Variants in MRRF observed in about 807,000 individuals in gnomAD.
The protein encoded by MRRF is mitochondrial ribosome recycling factor, also known as ribosome-recycling factor, mitochondrial.
In MRRF, 18 loss-of-function variants were observed where a neutral mutation model predicts 25.1. That is an observed-to-expected ratio of 0.72 (90% CI 0.50 to 1.06). MRRF has a LOEUF of 1.06. Ranked by LOEUF, MRRF falls within the 50% of genes least tolerant of loss-of-function variation. The pLI, the probability that MRRF is intolerant of heterozygous loss-of-function variation, is 0.00. For missense variants in MRRF, 323 were observed against 319.3 expected, an observed-to-expected ratio of 1.01 and a Z score of -0.09; for synonymous variants, 113 against 112.1, an observed-to-expected ratio of 1.01 and a Z score of -0.05.
At chr9:122,295,258 C>T (rs113904286) in intron 5 of MRRF, among the ~76,000 whole-genome samples, 33 of 152,266 alleles carry the variant, frequency 2.2e-4, no homozygotes, top group Admixed American at 7.8e-4. Flanking sequence ...CCATCATCCC[C>T]TTTCACAAAT....
At position 122,329,230 on chromosome 9, in the gene MRRF, G is replaced by A. The variant is rs1836220646; in HGVS notation, c.*6613G>A. ...GTGCTTAAGCGAAACGGAATTATTA[G>A]CTTTTCTGAAAGCTAATAATTTTGT... On this transcript the variant is annotated 3_prime_UTR_variant, in exon 7 of 7. Transcript: ENST00000344641. 2.0e-5 allele frequency: 3 copies of A among 152,088 alleles called. No homozygotes were observed. The highest frequency in any genetic ancestry group is 2.9e-5 in the Non-Finnish European group (2 of 68,032). The allele number at this position is 152,088 out of a possible 1,614,324, so 9.4% of individuals were successfully genotyped here.
intron 6 of MRRF, among the ~76,000 whole-genome samples, 173 bp downstream of exon 6, chr9:122,313,559 T>C (rs961002609): frequency 5.3e-5 from 8 of 152,176 alleles, no homozygotes; most frequent in Non-Finnish European, 1.2e-4. Context: ...GAGGGATCCA[T>C]AGAGGAGGAT....
chr9:122,311,104 G>T (rs10985593), intron 5 of MRRF, among the ~76,000 whole-genome samples: 1 of 152,156 alleles, frequency 6.6e-6, no homozygotes, highest in Non-Finnish European at 1.5e-5. Context: ...TCATTTTAGA[G>T]ATAAGGAAAC....
chr9:122,272,976 G>A lies in MRRF; in HGVS notation c.184+1901G>A, dbSNP rs368620732. Among the ~76,000 whole-genome samples the A allele has an allele frequency of 1.9e-3, 287 of 152,240 alleles. 4 individuals are homozygous for A. The highest frequency in any genetic ancestry group is 6.4e-3 in the African/African-American group (264 of 41,542). Reference sequence around the variant, plus strand: ...TATATGGCATTGTGTCTGAGCTGTTGATTTTATTGAACTGCTTATCTCTCC... The same window carrying A: ...TATATGGCATTGTGTCTGAGCTGTTAATTTTATTGAACTGCTTATCTCTCC... On this transcript the variant is annotated intron_variant, in intron 2 of 6. Transcript: ENST00000344641.
chr9:122,322,503 C>A, intron 6 of MRRF, 37 bp from the exon 7 acceptor site: 1 of 1,587,938 alleles, frequency 6.3e-7, no homozygotes, highest in African/African-American at 1.3e-5. Flanking sequence ...CTTTTCCAGC[C>A]CCATTAATCA....
Position 122,303,430 on chromosome 9 carries a change from CTCGAG to C in MRRF, c.552-9795_552-9791del, listed in dbSNP as rs200053975. 6.4e-3 allele frequency among the ~76,000 whole-genome samples: 979 copies of C among 152,140 alleles called. 8 individuals carry two copies. Among genetic ancestry groups the C allele is most frequent in the African/African-American group, 0.023 (954 of 41,498 alleles). Reference sequence around the variant, plus strand: ...ACAGGCTTTTACTTTGTCACTCAGGCTCGAGTACAGTGGCACAATCACAATTAGTG... The same window carrying C: ...ACAGGCTTTTACTTTGTCACTCAGGCTACAGTGGCACAATCACAATTAGTG... On this transcript the variant is annotated intron_variant, in intron 5 of 6. Coordinates refer to ENST00000344641, the MANE Select transcript of MRRF (RefSeq NM_138777.5).
chr9:122,276,444 A>G (rs1832781449), intron 2 of MRRF, among the ~76,000 whole-genome samples: 1 of 152,194 alleles, frequency 6.6e-6, no homozygotes, highest in Non-Finnish European at 1.5e-5. Flanking sequence ...GTGTTGAGCC[A>G]TCGTGTCTGA....
chr9:122,266,942 C>T (rs1047782741), intron 1 of MRRF, among the ~76,000 whole-genome samples: 2 of 151,558 alleles, frequency 1.3e-5, no homozygotes, highest in African/African-American at 2.4e-5. Flanking sequence ...TGGTGGCGCA[C>T]GCCTGTAATC....
At chr9:122,272,334 G>T (rs997722870) in intron 2 of MRRF, among the ~76,000 whole-genome samples, 1 of 152,090 alleles carries the variant, frequency 6.6e-6, no homozygotes, top group African/African-American at 2.4e-5. Flanking sequence ...TTCATATTTT[G>T]TGGGCTATTC....
chr9:122,293,393 C>A (rs2118819246), intron 5 of MRRF, among the ~76,000 whole-genome samples: 1 of 152,268 alleles, frequency 6.6e-6, no homozygotes, highest in African/African-American at 2.4e-5. Context: ...GAAGCTGGGA[C>A]CCAAACCCAG....
intron 5 of MRRF, among the ~76,000 whole-genome samples, chr9:122,303,286 T>C (rs998974895): frequency 1.3e-5 from 2 of 148,354 alleles, no homozygotes; most frequent in African/African-American, 4.9e-5. Context: ...AATAAATATA[T>C]TATATATATA....
intron 2 of MRRF, among the ~76,000 whole-genome samples, chr9:122,273,126 T>TCTA (rs1246948614): frequency 2.0e-5 from 3 of 152,156 alleles, no homozygotes; most frequent in Non-Finnish European, 4.4e-5. Context: ...TATATGAAAT[T>TCTA]TATGATCATA....
intron 6 of MRRF, among the ~76,000 whole-genome samples, chr9:122,319,600 A>G (rs1000449694): frequency 6.6e-6 from 1 of 152,200 alleles, no homozygotes; most frequent in East Asian, 1.9e-4. Context: ...CTACTATGCA[A>G]CTGTCAAGTT....
rs185997377 is a variant in MRRF at position 122,312,253 on chromosome 9, G to C, written c.552-974G>C. ...GTTTCCTCATTTGAAGAGTTGTGAG[G>C]ATTCAATGAAGTAACACACTTAAAG... is the stretch of plus-strand genomic sequence containing the variant. On this transcript the variant is annotated intron_variant, in intron 5 of 6. Coordinates refer to ENST00000344641, the MANE Select transcript of MRRF (RefSeq NM_138777.5). 3.3e-5 allele frequency among the ~76,000 whole-genome samples: 5 copies of C among 152,276 alleles called. No homozygotes were observed. In the East Asian group the frequency reaches 9.6e-4, roughly 29 times the overall value.
At chr9:122,287,824 T>C (rs1178924172) in intron 4 of MRRF, among the ~76,000 whole-genome samples, 2 of 152,184 alleles carry the variant, frequency 1.3e-5, no homozygotes, top group Non-Finnish European at 2.9e-5. Flanking sequence ...GTGAGTTACA[T>C]TGTCTTTTGA....
chr9:122,315,798 G>A (rs1564514084), intron 6 of MRRF, among the ~76,000 whole-genome samples: 1 of 152,068 alleles, frequency 6.6e-6, no homozygotes, highest in East Asian at 1.9e-4. Flanking sequence ...TAGTCACTCA[G>A]CAAGCCAGGA....
intron 3 of MRRF, among the ~76,000 whole-genome samples, chr9:122,283,341 C>A (rs1833194995): frequency 6.6e-6 from 1 of 152,150 alleles, no homozygotes; most frequent in Non-Finnish European, 1.5e-5. Context: ...GATCCACCCG[C>A]CTCAGCCTCC....
chr9:122,325,633 TGTG>T lies in MRRF; in HGVS notation c.*3017_*3019del, dbSNP rs1483930377. 1.6e-4 allele frequency: 2 copies of T among 12,714 alleles called. No individual in the cohort carries two copies. The highest frequency in any genetic ancestry group is 4.8e-4 in the African/African-American group (2 of 4,174). The allele number at this position is 12,714 out of a possible 1,614,324, so 0.8% of individuals were successfully genotyped here. A position where few individuals can be genotyped will look rare whatever the true frequency, so the allele number is the denominator to read the frequency against. ...ATTTGAGAATTTTTTTCCTGTCTGG[TGTG>T]TGTGTGTGTGTGTGTGTGTGTGTGT... On this transcript the variant is annotated 3_prime_UTR_variant, in exon 7 of 7. Transcript: ENST00000344641.
Position 122,323,348 on chromosome 9 carries a change from ATTC to A in MRRF, c.*734_*736del, listed in dbSNP as rs1321619199. 3 of 152,924 alleles carry A rather than the reference ATTC, an allele frequency of 2.0e-5. No individual in the cohort carries two copies. The East Asian group carries it at 5.8e-4, about 29-fold the overall frequency. The allele number at this position is 152,924 out of a possible 1,614,324, so 9.5% of individuals were successfully genotyped here. On this transcript the variant is annotated 3_prime_UTR_variant, in exon 7 of 7. Coordinates refer to ENST00000344641, the MANE Select transcript of MRRF (RefSeq NM_138777.5). Reference sequence around the variant, plus strand: ...CTACTGCTTTGTACGAATTCTAAGTATTCTTGTTGCACTTAATTAGCCTGTATA... The same window carrying A: ...CTACTGCTTTGTACGAATTCTAAGTATTGTTGCACTTAATTAGCCTGTATA...
Sources: gnomAD v4.1 joint callset for allele counts (sites outside exome capture counted in the v4.1 genomes callset) on GRCh38, gnomAD v4.1.1 for gene constraint, MANE v1.5 for transcripts, NCBI Gene and HGNC (gene_info 2026-07-23, HGNC 2026-07-21) for gene names.